PTPRN2: variants seen among roughly 807,000 people sequenced by gnomAD.
PTPRN2 encodes receptor-type tyrosine-protein phosphatase N2.
A neutral mutation model predicts 118.8 loss-of-function variants in PTPRN2; 74 were observed. The observed-to-expected ratio is 0.62, with a 90% CI of 0.52 to 0.76. The LOEUF (loss-of-function observed/expected upper bound fraction) is 0.76, where lower values mean the gene tolerates loss of function less well. Ranked by LOEUF, PTPRN2 falls within the 30% of genes least tolerant of loss-of-function variation. PTPRN2 has a pLI of 0.00. For missense variants in PTPRN2, 1,481 were observed against 1,394.4 expected, an observed-to-expected ratio of 1.06 and a Z score of -0.99; for synonymous variants, 641 against 608.0, an observed-to-expected ratio of 1.05 and a Z score of -0.80.
At chr7:158,421,751 G>A (rs988836011) in intron 2 of PTPRN2, among the ~76,000 whole-genome samples, 2 of 152,182 alleles carry the variant, frequency 1.3e-5, no homozygotes, top group Non-Finnish European at 2.9e-5. Flanking sequence ...GCTGCTTTGG[G>A]AGCCATATGC....
At chr7:158,345,521 G>A (rs1389387593) in intron 2 of PTPRN2, among the ~76,000 whole-genome samples, 2 of 152,026 alleles carry the variant, frequency 1.3e-5, no homozygotes, top group East Asian at 3.9e-4. Flanking sequence ...AAGGAGACAG[G>A]GTCTTCCACC....
chr7:158,330,910 C>T lies in PTPRN2; in HGVS notation c.164-13978G>A, dbSNP rs1335655551. On this transcript the variant is annotated intron_variant, in intron 2 of 22. Transcript: ENST00000389418. The stretch of plus-strand genomic sequence containing the variant: ...AAACTCTCACCATAAGAGCTGACAC[C>T]TGCAGACGTCACTCACACCCACACT... 9.4e-4 allele frequency among the ~76,000 whole-genome samples: 94 copies of T among 100,466 alleles called. 2 individuals are homozygous for T. Among genetic ancestry groups the T allele is most frequent in the African/African-American group, 3.5e-3 (88 of 25,468 alleles). 65.9% of individuals were successfully genotyped at this position (100,466 alleles called of 152,430 possible).
intron 1 of PTPRN2, among the ~76,000 whole-genome samples, chr7:158,523,527 CAGAGTCTGCCCT>C (rs1824422274): frequency 8.7e-5 from 7 of 80,730 alleles, no homozygotes; most frequent in East Asian, 4.5e-4. Flanking sequence ...TGCCCTGGAG[CAGAGTCTGCCCT>C]GGAATGGAGT....
intron 15 of PTPRN2, among the ~76,000 whole-genome samples, chr7:157,608,264 C>T (rs192775131): frequency 6.6e-6 from 1 of 152,266 alleles, no homozygotes; most frequent in Non-Finnish European, 1.5e-5. Flanking sequence ...GACAGGGCTT[C>T]ACCATGTTGG....
chr7:157,790,124 GGTGT>G (rs1279007380), intron 12 of PTPRN2, among the ~76,000 whole-genome samples: 1 of 144,812 alleles, frequency 6.9e-6, no homozygotes, highest in African/African-American at 2.6e-5. Context: ...GTGTGTGTGT[GGTGT>G]GTGTGTGGTG....
chr7:157,982,977 G>GT (rs1803422952), intron 11 of PTPRN2, among the ~76,000 whole-genome samples: 1 of 56,972 alleles, frequency 1.8e-5, no homozygotes. Context: ...AGAGTGCAGG[G>GT]TCCCCCCCAA....
At position 157,627,113 on chromosome 7, in the gene PTPRN2, T is replaced by G. The variant is rs1279812515; in HGVS notation, c.2197-5604A>C. On this transcript the variant is annotated intron_variant, in intron 14 of 22. Transcript: ENST00000389418. This position sits in a 1 kb window ranked among gnomAD's most constrained non-coding sequence, Gnocchi z 4.2. Reference sequence around the variant, plus strand: ...CATTCTCCACAGTCCAGGTCCCAGGTGGGGTGCTCCATCTCCCCTGGAGCC... The same window carrying G: ...CATTCTCCACAGTCCAGGTCCCAGGGGGGGTGCTCCATCTCCCCTGGAGCC... Among the ~76,000 whole-genome samples, 4 of 152,200 alleles carry G rather than the reference T, an allele frequency of 2.6e-5. No individual in the cohort carries two copies. Among genetic ancestry groups the G allele is most frequent in the African/African-American group, 9.6e-5 (4 of 41,464 alleles).
chr7:157,764,692 C>T lies in PTPRN2; in HGVS notation c.1789-81755G>A, dbSNP rs534994331. Among the ~76,000 whole-genome samples, 8 of 152,204 alleles carry T rather than the reference C, an allele frequency of 5.3e-5. No individual in the cohort carries two copies. The highest frequency in any genetic ancestry group is 1.3e-4 in the Admixed American group (2 of 15,288). ...ATGTAAATACTACCACTAAATTGTA[C>T]ATTTAAAGGTTAAAAATCACAAATG... On this transcript the variant is annotated intron_variant, in intron 12 of 22. Transcript: ENST00000389418. The surrounding 1 kb of genome is among the most constrained non-coding windows in gnomAD (Gnocchi z 4.5).
At chr7:157,928,569 C>T (rs139205304) in intron 11 of PTPRN2, among the ~76,000 whole-genome samples, 13 of 152,038 alleles carry the variant, frequency 8.6e-5, no homozygotes, top group Non-Finnish European at 1.8e-4. Context: ...GCGAAGCCAC[C>T]CAGGACACTC....
Position 157,540,540 on chromosome 7 carries a change from T to G in PTPRN2, c.*174A>C, listed in dbSNP as rs1272120803. 7 of 473,548 alleles carry G rather than the reference T, an allele frequency of 1.5e-5. No homozygotes were observed. Among genetic ancestry groups the G allele is most frequent in the Non-Finnish European group, 2.6e-5 (7 of 268,218 alleles). The allele number at this position is 473,548 out of a possible 1,614,324, so 29.3% of individuals were successfully genotyped here. On this transcript the variant is annotated 3_prime_UTR_variant, in exon 23 of 23. Transcript: ENST00000389418. ...GATTTTTCCACAAATCTCTCTTTAT[T>G]ATTGTTTGATTAAACAAAAATACAC... is the stretch of plus-strand genomic sequence containing the variant.
chr7:157,640,838 G>T (rs1041256199), intron 14 of PTPRN2, among the ~76,000 whole-genome samples: 8 of 152,180 alleles, frequency 5.3e-5, no homozygotes, highest in African/African-American at 1.9e-4. Flanking sequence ...CAAGTGTGAG[G>T]ATCAAAGACA....
intron 2 of PTPRN2, among the ~76,000 whole-genome samples, chr7:158,487,663 C>G (rs1821124605): frequency 6.6e-6 from 1 of 152,132 alleles, no homozygotes; most frequent in Non-Finnish European, 1.5e-5. Context: ...ATGTTCTAGA[C>G]TCGCAGCCGC....
intron 2 of PTPRN2, among the ~76,000 whole-genome samples, chr7:158,391,951 G>A (rs928077261): frequency 2.0e-5 from 3 of 152,240 alleles, no homozygotes; most frequent in African/African-American, 4.8e-5. Flanking sequence ...GAGCCCGCCT[G>A]TGAGTCGAGA....
intron 12 of PTPRN2, among the ~76,000 whole-genome samples, chr7:157,852,560 T>C (rs1273683302): frequency 6.6e-6 from 1 of 152,184 alleles, no homozygotes; most frequent in Non-Finnish European, 1.5e-5. Context: ...TCAGATTTTG[T>C]TTTCTCCTGC....
intron 11 of PTPRN2, among the ~76,000 whole-genome samples, chr7:157,958,058 G>A (rs1801292668): frequency 6.6e-6 from 1 of 152,146 alleles, no homozygotes; most frequent in South Asian, 2.1e-4. Flanking sequence ...CCATGACCAA[G>A]TGGGATGTAT....
chr7:158,357,369 G>A (rs991537842), intron 2 of PTPRN2, among the ~76,000 whole-genome samples: 1 of 152,228 alleles, frequency 6.6e-6, no homozygotes, highest in African/African-American at 2.4e-5. Context: ...TGATTTCAGG[G>A]GTGGTTTTGA....
At chr7:158,024,744 G>C (rs1807142542) in intron 11 of PTPRN2, among the ~76,000 whole-genome samples, 2 of 152,250 alleles carry the variant, frequency 1.3e-5, no homozygotes, top group Non-Finnish European at 2.9e-5. Context: ...CAGCTTGGCA[G>C]GAGCTGATGA....
At chr7:158,002,977 G>A (rs1054660781) in intron 11 of PTPRN2, among the ~76,000 whole-genome samples, 3 of 152,176 alleles carry the variant, frequency 2.0e-5, no homozygotes, top group African/African-American at 7.2e-5. Context: ...GCTACAGGCC[G>A]CTTGGATCCA....
Position 158,544,638 on chromosome 7 carries a change from CAA to C in PTPRN2, c.112+42918_112+42919del, listed in dbSNP as rs201690453. On this transcript the variant is annotated intron_variant, in intron 1 of 22. Transcript: ENST00000389418. The surrounding 1 kb of genome is among the most constrained non-coding windows in gnomAD (Gnocchi z 4.2). ...GGGCAACAAGAACCAAACTCTGTCT[CAA>C]AAAAAAAAAAAATTATGAGATTTTT... Among the ~76,000 whole-genome samples, 1 of 135,822 alleles carries C rather than the reference CAA, an allele frequency of 7.4e-6. No individual in the cohort carries two copies. Among genetic ancestry groups the C allele is most frequent in the African/African-American group, 2.7e-5 (1 of 36,762 alleles). 89.1% of individuals were successfully genotyped at this position (135,822 alleles called of 152,430 possible).
Sources: allele counts gnomAD v4.1 joint callset (sites outside exome capture counted in the v4.1 genomes callset), GRCh38; gene constraint gnomAD v4.1.1; non-coding constraint Gnocchi (gnomAD v3.1); transcripts MANE v1.5; gene names NCBI Gene and HGNC (gene_info 2026-07-23, HGNC 2026-07-21).